The following HTRA3 variants were observed in gnomAD, a reference collection of about 807,000 sequenced individuals.
HTRA3 encodes serine protease HTRA3.
A neutral mutation model predicts 43.2 loss-of-function variants in HTRA3; 41 were observed. The observed-to-expected ratio is 0.95, with a 90% CI of 0.74 to 1.23. The LOEUF is 1.23. Ranked by LOEUF, HTRA3 falls within the 50% of genes most tolerant of loss-of-function variation. The probability of loss-of-function intolerance (pLI) is 0.00; values close to 1 mark genes in which losing one functional copy is unlikely to be tolerated. For synonymous variants in HTRA3, 295 were observed against 287.9 expected (o/e 1.02, Z -0.25); for missense variants, 628 against 647.1 (o/e 0.97, Z 0.32).
intron 1 of HTRA3, among the ~76,000 whole-genome samples, chr4:8,273,906 A>C (rs1712410214): frequency 1.3e-5 from 2 of 148,888 alleles, no homozygotes; most frequent in Admixed American, 6.7e-5. Context: ...TCTGCCTCTC[A>C]CTCCCCTCCA....
intron 5 of HTRA3, among the ~76,000 whole-genome samples, chr4:8,293,153 G>A (rs533310348): frequency 2.6e-5 from 4 of 152,324 alleles, no homozygotes; most frequent in Admixed American, 6.5e-5. Flanking sequence ...CTCAGGCCTC[G>A]TGTGCAGATG....
intron 5 of HTRA3, 25 bp from the exon 6 acceptor site, chr4:8,294,062 T>G: frequency 6.5e-7 from 1 of 1,546,020 alleles, no homozygotes; most frequent in South Asian, 1.2e-5. Flanking sequence ...CCCCAACTGA[T>G]GCCTGCTCTT....
At chr4:8,271,925 T>A (rs1034235642) in intron 1 of HTRA3, among the ~76,000 whole-genome samples, 3 of 152,222 alleles carry the variant, frequency 2.0e-5, no homozygotes, top group African/African-American at 7.2e-5. Context: ...GTGTTGAGAC[T>A]GCCCAGGAGG....
chr4:8,306,264 G>T lies in HTRA3; in HGVS notation c.*128G>T. The T allele has an allele frequency of 2.0e-6, 2 of 1,018,844 alleles. No homozygotes were observed. Among genetic ancestry groups the T allele is most frequent in the Non-Finnish European group, 1.4e-6 (1 of 727,540 alleles). 63.1% of individuals were successfully genotyped at this position (1,018,844 alleles called of 1,614,324 possible). On this transcript the variant is annotated 3_prime_UTR_variant, in exon 9 of 9. Transcript: ENST00000307358. This position sits in a 1 kb window ranked among gnomAD's most constrained non-coding sequence, Gnocchi z 8.9. ...GGCAGCCTCCTCCTGGCTGTCCGGGGCAGAGCGGAGGCTGGGCTTGGCCAG... is the reference window on the plus strand; with the variant it reads ...GGCAGCCTCCTCCTGGCTGTCCGGGTCAGAGCGGAGGCTGGGCTTGGCCAG...
intron 1 of HTRA3, among the ~76,000 whole-genome samples, chr4:8,281,190 G>T (rs527449924): frequency 6.6e-6 from 1 of 152,156 alleles, no homozygotes; most frequent in Non-Finnish European, 1.5e-5. Flanking sequence ...ACCGCGGCCC[G>T]GGCCCTGCCC....
In HTRA3 at chr4:8,297,556, C is replaced by G. The variant is rs1713498738; in HGVS notation, c.1051+3355C>G. ...GGAGGAGGCTGGGGCAGGGCTGTGGCCTCGAGGGTGAGGGCTGCATGACGG... is the reference window on the plus strand; with the variant it reads ...GGAGGAGGCTGGGGCAGGGCTGTGGGCTCGAGGGTGAGGGCTGCATGACGG... On this transcript the variant is annotated intron_variant, in intron 6 of 8. Coordinates refer to ENST00000307358, the MANE Select transcript of HTRA3 (RefSeq NM_053044.5). This position sits in a 1 kb window ranked among gnomAD's most constrained non-coding sequence, Gnocchi z 5.8. 6.6e-6 allele frequency among the ~76,000 whole-genome samples: 1 copy of G among 152,062 alleles called. No individual in the cohort carries two copies. The highest frequency in any genetic ancestry group is 2.1e-4 in the South Asian group (1 of 4,822).
chr4:8,283,737 C>T (rs971602971), intron 2 of HTRA3, among the ~76,000 whole-genome samples: 5 of 152,228 alleles, frequency 3.3e-5, no homozygotes, highest in South Asian at 2.1e-4. Flanking sequence ...CACCAGAGGC[C>T]GCAGGCCAGG....
In HTRA3 at chr4:8,283,236, G is replaced by A. The variant is rs547195076; in HGVS notation, c.485+700G>A. On this transcript the variant is annotated intron_variant, in intron 2 of 8. Transcript: ENST00000307358. ...AAAGAATGAATGAATGAGTGGAGTC[G>A]GTCAATAGGGAAGCGGGATGTCCCA... is the stretch of plus-strand genomic sequence containing the variant. Among the ~76,000 whole-genome samples the A allele has an allele frequency of 3.3e-5, 5 of 152,284 alleles. No individual in the cohort carries two copies. The East Asian group carries it at 5.8e-4, about 18-fold the overall frequency.
Position 8,270,303 on chromosome 4 carries a change from A to C in HTRA3, c.335A>C (p.Gln112Pro). The C allele has an allele frequency of 6.8e-7, 1 of 1,475,566 alleles. No individual in the cohort carries two copies. The highest frequency in any genetic ancestry group is 2.8e-5 in the East Asian group (1 of 35,516). 91.4% of individuals were successfully genotyped at this position (1,475,566 alleles called of 1,614,324 possible). The stretch of plus-strand genomic sequence containing the variant: ...CAGGCGGCCAGCCGCCGCGCGCTGC[A>C]GCTCTCCGGGACGCCCGTGCGCCAG... ...ALQAASRRAL[Q>P]LSGTPVRQLQ... Residue 112 changes from glutamine to proline, a missense_variant, in exon 1 of 9, where the codon CAG (glutamine) becomes CCG (proline). Physicochemically the swap from Gln to Pro is moderately conservative, Grantham distance 76. Coordinates refer to ENST00000307358, the MANE Select transcript of HTRA3 (RefSeq NM_053044.5).
chr4:8,282,604 C>T, intron 2 of HTRA3, 68 bp downstream of exon 2: 1 of 1,252,558 alleles, frequency 8.0e-7, no homozygotes. Flanking sequence ...GCTGCTGGGG[C>T]CCAAACCAGG....
rs539665234 is a variant in HTRA3 at position 8,304,386 on chromosome 4, C to T, written c.1196+107C>T. The T allele has an allele frequency of 3.0e-4, 243 of 808,738 alleles. 2 individuals are homozygous for T. In the African/African-American group the frequency reaches 3.2e-3, roughly 11 times the overall value. The allele number at this position is 808,738 out of a possible 1,614,324, so 50.1% of individuals were successfully genotyped here. On this transcript the variant is annotated intron_variant, in intron 8 of 8. Transcript: ENST00000307358. The stretch of plus-strand genomic sequence containing the variant: ...ACCTTGAGCTTCCCAGCAAAGTGAC[C>T]GGGAAGGGGCAGGTGGATTCTAGCG...
rs762635808 is a variant in HTRA3, at chr4:8,286,510, C to T, written c.486-51C>T. The T allele has an allele frequency of 2.0e-6, 3 of 1,511,418 alleles. No individual in the cohort carries two copies. In the Admixed American group the frequency reaches 5.0e-5, roughly 25 times the overall value. The allele number at this position is 1,511,418 out of a possible 1,614,324, so 93.6% of individuals were successfully genotyped here. A position where few individuals can be genotyped will look rare whatever the true frequency, so the allele number is the denominator to read the frequency against. On this transcript the variant is annotated intron_variant, in intron 2 of 8. Coordinates refer to ENST00000307358, the MANE Select transcript of HTRA3 (RefSeq NM_053044.5). The surrounding 1 kb of genome is among the most constrained non-coding windows in gnomAD (Gnocchi z 4.9). ...CAGCCCCACCACTGCGCCTGACTCC[C>T]CCGCGTCCTAGCCCCACCCTAAATG...
chr4:8,298,518 T>TG (rs1713533298), intron 6 of HTRA3, among the ~76,000 whole-genome samples: 1 of 97,964 alleles, frequency 1.0e-5, no homozygotes, highest in South Asian at 6.6e-4. Flanking sequence ...TGATGAAGTC[T>TG]GTTTTTTTTT....
At chr4:8,290,696 G>A (rs1713198143) in intron 3 of HTRA3, among the ~76,000 whole-genome samples, 1 of 152,240 alleles carries the variant, frequency 6.6e-6, no homozygotes, top group Non-Finnish European at 1.5e-5. Context: ...CGCAGCTTCT[G>A]GAACACAGAG....
chr4:8,273,237 C>T (rs1343502507), intron 1 of HTRA3, among the ~76,000 whole-genome samples: 1 of 152,218 alleles, frequency 6.6e-6, no homozygotes, highest in Non-Finnish European at 1.5e-5. Context: ...GGAGTCGGGT[C>T]AGGCCTGGGC....
At chr4:8,285,464 C>T (rs1433152660) in intron 2 of HTRA3, among the ~76,000 whole-genome samples, 6 of 152,170 alleles carry the variant, frequency 3.9e-5, no homozygotes, top group African/African-American at 1.4e-4. Context: ...TGCTTTGTCT[C>T]TTGCTCTCAC....
chr4:8,271,752 CCT>C (rs1488721890), intron 1 of HTRA3, among the ~76,000 whole-genome samples: 2 of 152,212 alleles, frequency 1.3e-5, no homozygotes, highest in Non-Finnish European at 2.9e-5. Flanking sequence ...CTGCCTGTAG[CCT>C]CTCTCATAAG....
Position 8,286,845 on chromosome 4 carries a change from G to T in HTRA3, c.708+62G>T. The T allele has an allele frequency of 7.6e-7, 1 of 1,315,644 alleles. No homozygotes were observed. The highest frequency in any genetic ancestry group is 1.3e-5 in the South Asian group (1 of 75,336). 81.5% of individuals were successfully genotyped at this position (1,315,644 alleles called of 1,614,324 possible). ...GGCTGGGCATGGTGGCCTCTTCCCAGACGCCGGAACCCAGAGGCAAGCTAG... is the reference window on the plus strand; with the variant it reads ...GGCTGGGCATGGTGGCCTCTTCCCATACGCCGGAACCCAGAGGCAAGCTAG... On this transcript the variant is annotated intron_variant, in intron 3 of 8. Transcript: ENST00000307358. This position sits in a 1 kb window ranked among gnomAD's most constrained non-coding sequence, Gnocchi z 4.9.
At chr4:8,289,146 C>T (rs970163501) in intron 3 of HTRA3, among the ~76,000 whole-genome samples, 13 of 151,838 alleles carry the variant, frequency 8.6e-5, no homozygotes, top group East Asian at 3.9e-4. Context: ...GATAGGGTCT[C>T]GCTGTATTGC....
Sources: gnomAD v4.1 joint callset for allele counts (sites outside exome capture counted in the v4.1 genomes callset) on GRCh38, gnomAD v4.1.1 for gene constraint, Gnocchi (gnomAD v3.1) non-coding constraint, MANE v1.5 for transcripts, NCBI Gene and HGNC (gene_info 2026-07-23, HGNC 2026-07-21) for gene names.